The following SUCLG2 variants were observed in gnomAD, a reference collection of about 807,000 sequenced individuals.
SUCLG2 encodes the protein succinate-CoA ligase GDP-forming subunit beta.
SUCLG2 carries 42 observed loss-of-function variants against 47.9 expected under a neutral mutation model. The observed-to-expected ratio is 0.88, with a 90% CI of 0.69 to 1.14. The LOEUF (loss-of-function observed/expected upper bound fraction) is 1.14. Among genes scored for constraint, SUCLG2 ranks in the 50% most tolerant of loss-of-function variants. The pLI, the probability that SUCLG2 is intolerant of heterozygous loss-of-function variation, is 0.00. For synonymous variants in SUCLG2, 195 were observed against 197.3 expected, an observed-to-expected ratio of 0.99 and a Z score of 0.10; for missense variants, 571 against 525.9, an observed-to-expected ratio of 1.09 and a Z score of -0.84.
intron 10 of SUCLG2, chr3:67,360,905 T>G: frequency 1.4e-6 from 1 of 730,998 alleles, no homozygotes; most frequent in Admixed American, 3.5e-5. Context: ...CTTCTCCCAC[T>G]GGAGGAATAT....
chr3:67,612,115 T>C (rs1700537878), intron 1 of SUCLG2, among the ~76,000 whole-genome samples: 1 of 152,144 alleles, frequency 6.6e-6, no homozygotes, highest in Admixed American at 6.5e-5. Context: ...TCCCAACATC[T>C]TGAGAGGCGG....
intron 2 of SUCLG2, among the ~76,000 whole-genome samples, chr3:67,534,444 T>G (rs1706484274): frequency 6.6e-6 from 1 of 152,058 alleles, no homozygotes; most frequent in Non-Finnish European, 1.5e-5. Context: ...TTAAAAATAT[T>G]GTATATTTAT....
At chr3:67,435,437 T>C (rs1188033014) in intron 9 of SUCLG2, among the ~76,000 whole-genome samples, 1 of 152,186 alleles carries the variant, frequency 6.6e-6, no homozygotes, top group Non-Finnish European at 1.5e-5. Context: ...ATGGCGATAA[T>C]GGGTTTTTTA....
At chr3:67,434,631 G>C (rs954767766) in intron 9 of SUCLG2, among the ~76,000 whole-genome samples, 1 of 152,218 alleles carries the variant, frequency 6.6e-6, no homozygotes, top group African/African-American at 2.4e-5. Flanking sequence ...CACTTAGGAT[G>C]AGAGAAGGGG....
chr3:67,448,612 C>T (rs1274576029), intron 9 of SUCLG2, among the ~76,000 whole-genome samples: 2 of 152,058 alleles, frequency 1.3e-5, no homozygotes, highest in African/African-American at 4.8e-5. Flanking sequence ...CTCAAATTCC[C>T]GACCTCAGGA....
chr3:67,448,025 G>A (rs796107626), intron 9 of SUCLG2, among the ~76,000 whole-genome samples: 3 of 152,052 alleles, frequency 2.0e-5, no homozygotes, highest in East Asian at 1.9e-4. Context: ...CACCGCACCC[G>A]GCTGAGAAAA....
At chr3:67,528,254 AT>A (rs1706307650) in intron 3 of SUCLG2, 32 bp from the exon 4 acceptor site, 1 of 1,586,960 alleles carries the variant, frequency 6.3e-7, no homozygotes, top group Non-Finnish European at 8.7e-7. Context: ...CAGAAAATGA[AT>A]GTTTGTTGAA....
chr3:67,615,724 C>G (rs938696780), intron 1 of SUCLG2, among the ~76,000 whole-genome samples: 16 of 151,742 alleles, frequency 1.1e-4, no homozygotes, highest in Admixed American at 3.9e-4. Flanking sequence ...CAACAGAACA[C>G]TAGTGCAACC....
chr3:67,648,873 A>G (rs1701237799), intron 1 of SUCLG2, among the ~76,000 whole-genome samples: 2 of 152,120 alleles, frequency 1.3e-5, no homozygotes, highest in African/African-American at 4.8e-5. Context: ...CTTACTGAAT[A>G]CCAACTCCGG....
intron 2 of SUCLG2, among the ~76,000 whole-genome samples, chr3:67,556,111 T>C (rs1407411120): frequency 6.6e-6 from 1 of 152,128 alleles, no homozygotes; most frequent in East Asian, 1.9e-4. Context: ...TATCAAAGAC[T>C]AGAAAGACAG....
At chr3:67,360,686 T>C in exon 11 of SUCLG2, 1 of 1,528,800 alleles carries the variant, frequency 6.5e-7, no homozygotes, top group South Asian at 1.2e-5. Context: ...CGACGTTCTC[T>C]TGGATACCAG....
chr3:67,594,500 C>T (rs1708249131), intron 2 of SUCLG2, among the ~76,000 whole-genome samples: 2 of 152,168 alleles, frequency 1.3e-5, no homozygotes, highest in Non-Finnish European at 2.9e-5. Context: ...TGTTCATCCT[C>T]ACAGGTCAGC....
intron 2 of SUCLG2, among the ~76,000 whole-genome samples, chr3:67,538,616 G>T (rs1170580575): frequency 6.6e-6 from 1 of 152,160 alleles, no homozygotes; most frequent in Non-Finnish European, 1.5e-5. Flanking sequence ...GTAGCTTCAT[G>T]GGGATAGCAT....
rs539464544 is a variant in SUCLG2, at chr3:67,462,986, G to T, written c.1062+32812C>A. On this transcript the variant is annotated intron_variant, in intron 9 of 10. Coordinates refer to ENST00000307227, the MANE Select transcript of SUCLG2 (RefSeq NM_003848.4). ...ACAGAAGTCTTCTGTGTTGACTATT[G>T]TGGTGTGAAAATAGAGAAAATACAG... 1.4e-4 allele frequency among the ~76,000 whole-genome samples: 21 copies of T among 152,324 alleles called. No homozygotes were observed. The East Asian group carries it at 3.7e-3, about 27-fold the overall frequency.
At position 67,633,723 on chromosome 3, in the gene SUCLG2, CA is replaced by C. The variant is rs201890250; in HGVS notation, c.84+20779del. On this transcript the variant is annotated intron_variant, in intron 1 of 10. Transcript: ENST00000307227. ...TGTTAGGCAGAAACATTTTAATGGACAGTTATTTAATGCACGCTGTGGGCTA... is the reference window on the plus strand; with the variant it reads ...TGTTAGGCAGAAACATTTTAATGGACGTTATTTAATGCACGCTGTGGGCTA... 6.2e-3 allele frequency among the ~76,000 whole-genome samples: 941 copies of C among 152,198 alleles called. 16 individuals are homozygous for C. The highest frequency in any genetic ancestry group is 0.022 in the African/African-American group (893 of 41,516).
intron 9 of SUCLG2, among the ~76,000 whole-genome samples, chr3:67,420,141 A>C (rs1703125048): frequency 6.6e-6 from 1 of 152,208 alleles, no homozygotes; most frequent in African/African-American, 2.4e-5. Flanking sequence ...CAGGAGAAAA[A>C]TGGGGAAAAT....
At chr3:67,488,966 T>C (rs149608694) in intron 9 of SUCLG2, among the ~76,000 whole-genome samples, 2 of 152,180 alleles carry the variant, frequency 1.3e-5, no homozygotes, top group Non-Finnish European at 2.9e-5. Context: ...ACAAAGTAGG[T>C]TGCATTAAAA....
At chr3:67,508,766 T>C (rs1705708305) in intron 7 of SUCLG2, 41 bp downstream of exon 7, 7 of 1,432,228 alleles carry the variant, frequency 4.9e-6, no homozygotes, top group Non-Finnish European at 6.8e-6. Flanking sequence ...TAAATAATTA[T>C]AATACATTCA....
At chr3:67,636,106 A>G (rs1374736308) in intron 1 of SUCLG2, among the ~76,000 whole-genome samples, 2 of 152,138 alleles carry the variant, frequency 1.3e-5, no homozygotes, top group Non-Finnish European at 1.5e-5. Context: ...CAATACTTTG[A>G]AAGTTCATCC....
Sources: gnomAD v4.1 joint callset for allele counts (sites outside exome capture counted in the v4.1 genomes callset) on GRCh38, gnomAD v4.1.1 for gene constraint, MANE v1.5 for transcripts, NCBI Gene and HGNC (gene_info 2026-07-23, HGNC 2026-07-21) for gene names.